Variants in DTX2 observed in about 807,000 individuals in gnomAD.
The protein encoded by DTX2 is deltex E3 ubiquitin ligase 2, also known as probable E3 ubiquitin-protein ligase DTX2.
Under a neutral mutation model 55.3 loss-of-function variants are expected in DTX2, and 29 were observed. The observed-to-expected ratio is 0.52, with a 90% confidence interval of 0.39 to 0.71. The LOEUF (loss-of-function observed/expected upper bound fraction) is 0.71, where lower values mean the gene tolerates loss of function less well. DTX2 is among the 30% of genes least tolerant of loss of function. The probability of loss-of-function intolerance (pLI) is 0.00; values close to 1 mark genes in which losing one functional copy is unlikely to be tolerated. For synonymous variants in DTX2, 276 were observed against 340.4 expected, an observed-to-expected ratio of 0.81 and a Z score of 2.08; for missense variants, 537 against 822.5, an observed-to-expected ratio of 0.65 and a Z score of 4.25.
chr7:76,477,957 C>T (rs1438212351), intron 2 of DTX2, among the ~76,000 whole-genome samples: 1 of 149,402 alleles, frequency 6.7e-6, no homozygotes, highest in Non-Finnish European at 1.5e-5. Context: ...CTCTAAGGCC[C>T]ATTTTCTTAG....
At position 76,503,542 on chromosome 7, in the gene DTX2, C is replaced by G; in HGVS notation, c.1506C>G (p.Asp502Glu). Reference sequence around the variant, plus strand: ...AGATGTCGCTCCCCGGCCACGAGGACTGCGGGACCATCCTCATAGTTTACA... The same window carrying G: ...AGATGTCGCTCCCCGGCCACGAGGAGTGCGGGACCATCCTCATAGTTTACA... The part of the protein sequence containing the change: ...RFQMSLPGHE[D>E]CGTILIVYSI... The change falls in exon 9 of 11, where the codon GAC becomes GAG. Residue 502 changes from aspartate to glutamate, a missense_variant. This residue lies in a region of DTX2 where 121 missense variants were observed against 136.8 expected (regional missense o/e 0.88). Transcript: ENST00000430490. 1 of 1,612,730 alleles carries G rather than the reference C, an allele frequency of 6.2e-7. No homozygotes were observed. The highest frequency in any genetic ancestry group is 8.5e-7 in the Non-Finnish European group (1 of 1,179,826).
chr7:76,476,899 C>T (rs1258816139), intron 2 of DTX2: 1 of 151,850 alleles, frequency 6.6e-6, no homozygotes, highest in Non-Finnish European at 1.5e-5. Context: ...GGCTGCGTGC[C>T]TTCGTGGAAA....
At chr7:76,472,573 C>T (rs906174021) in intron 2 of DTX2, among the ~76,000 whole-genome samples, 2 of 147,862 alleles carry the variant, frequency 1.4e-5, no homozygotes, top group Admixed American at 1.4e-4. Context: ...ATGATCCGCC[C>T]CCCTCAGCCT....
In DTX2 at chr7:76,471,156, CTTTTT is replaced by C. The variant is rs1156365325; in HGVS notation, c.-90+7466_-90+7470del. On this transcript the variant is annotated intron_variant, in intron 2 of 10. Coordinates refer to ENST00000430490, the MANE Select transcript of DTX2 (RefSeq NM_001102594.3). ...ATCTGATTTCTGGTTTCCATTCGTTCTTTTTTTTTTTTTTTTTTTTTTTGAGACGG... is the reference window on the plus strand; with the variant it reads ...ATCTGATTTCTGGTTTCCATTCGTTCTTTTTTTTTTTTTTTTTTGAGACGG... The C allele has an allele frequency of 4.9e-3, 1,605 of 325,786 alleles. 4 individuals are homozygous for C. Among genetic ancestry groups the C allele is most frequent in the South Asian group, 0.03 (1,213 of 40,798 alleles). 20.2% of individuals were successfully genotyped at this position (325,786 alleles called of 1,614,324 possible).
chr7:76,482,583 T>C lies in DTX2; in HGVS notation c.344T>C (p.Leu115Pro). 10 of 1,613,582 alleles carry C rather than the reference T, an allele frequency of 6.2e-6. No individual in the cohort carries two copies. Among genetic ancestry groups the C allele is most frequent in the Non-Finnish European group, 8.5e-6 (10 of 1,179,696 alleles). ...GGCCGAGGTGTCGTCTGGGAGTGGCTGAGCGACGATGGCTCCTGGACTGCC... is the reference window on the plus strand; with the variant it reads ...GGCCGAGGTGTCGTCTGGGAGTGGCCGAGCGACGATGGCTCCTGGACTGCC... ...APGRGVVWEW[L>P]SDDGSWTAYE... Residue 115 changes from leucine to proline, a missense_variant, in exon 4 of 11, where the codon CTG (leucine) becomes CCG (proline). Physicochemically the swap from Leu to Pro is moderately conservative, Grantham distance 98. Around this residue, in one of 7 missense-constraint regions of DTX2, gnomAD observed 301 missense variants for 396.6 expected, o/e 0.76. Transcript: ENST00000430490.
chr7:76,505,617 C>G lies in DTX2; in HGVS notation c.*16C>G. 6.6e-7 allele frequency: 1 copy of G among 1,503,988 alleles called. No homozygotes were observed. The highest frequency in any genetic ancestry group is 8.9e-7 in the Non-Finnish European group (1 of 1,129,876). The allele number at this position is 1,503,988 out of a possible 1,614,324, so 93.2% of individuals were successfully genotyped here. On this transcript the variant is annotated 3_prime_UTR_variant, in exon 11 of 11. Coordinates refer to ENST00000430490, the MANE Select transcript of DTX2 (RefSeq NM_001102594.3). This position sits in a 1 kb window ranked among gnomAD's most constrained non-coding sequence, Gnocchi z 4.4. ...GCAGCAGTGACCTCGCACCCCAGCA[C>G]GCCCGCCTCTGGTGGCCACCCCGCT...
At chr7:76,481,268 C>T (rs1391896337) in intron 3 of DTX2, among the ~76,000 whole-genome samples, 2 of 151,970 alleles carry the variant, frequency 1.3e-5, no homozygotes, top group African/African-American at 4.8e-5. Flanking sequence ...CTCACTGCAA[C>T]CCCTGCCTCC....
At chr7:76,463,284 CTAA>C (rs1302891010) in intron 1 of DTX2, among the ~76,000 whole-genome samples, 3 of 148,652 alleles carry the variant, frequency 2.0e-5, no homozygotes, top group East Asian at 2.1e-4. Flanking sequence ...TCTCCAAAAA[CTAA>C]TAATAATAAA....
chr7:76,472,696 A>G (rs1229265704), intron 2 of DTX2, among the ~76,000 whole-genome samples: 1 of 151,034 alleles, frequency 6.6e-6, no homozygotes, highest in Non-Finnish European at 1.5e-5. Context: ...GTTCAGATAT[A>G]TAAGGAAGTC....
chr7:76,481,587 G>T (rs1421120409), intron 3 of DTX2, among the ~76,000 whole-genome samples: 1 of 152,048 alleles, frequency 6.6e-6, no homozygotes, highest in Non-Finnish European at 1.5e-5. Context: ...GGGTGATTTT[G>T]TCCCCGGGGC....
intron 7 of DTX2, chr7:76,501,818 G>A: frequency 5.7e-6 from 1 of 175,314 alleles, no homozygotes; most frequent in Non-Finnish European, 1.2e-5. Flanking sequence ...TGTCGGGCCT[G>A]TGCTGCTGGT....
At chr7:76,483,233 G>C (rs1260681942) in intron 4 of DTX2, 86 bp downstream of exon 4, 2 of 1,477,304 alleles carry the variant, frequency 1.4e-6, no homozygotes, top group Non-Finnish European at 1.8e-6. Flanking sequence ...TGCAGATGCG[G>C]CTCCTGCCCC....
intron 4 of DTX2, among the ~76,000 whole-genome samples, chr7:76,484,642 C>T (rs553328255): frequency 5.9e-5 from 9 of 152,070 alleles, no homozygotes; most frequent in African/African-American, 2.2e-4. Flanking sequence ...CGGCATCCTG[C>T]TGCCTCCCTG....
Position 76,482,956 on chromosome 7 carries a change from G to A in DTX2, c.717G>A (p.Gly239=), listed in dbSNP as rs1467187399. 1 of 1,613,798 alleles carries A rather than the reference G, an allele frequency of 6.2e-7. No individual in the cohort carries two copies. Among genetic ancestry groups the A allele is most frequent in the Non-Finnish European group, 8.5e-7 (1 of 1,179,796 alleles). ...CACACAGGACCGCTTCTGTGTTTGG[G>A]ACCCACCAGGCCTTTGCACCGTACA... The part of the protein sequence containing the change: ...HPPHRTASVF[G]THQAFAPYNK... Residue 239 remains glycine (G), a synonymous_variant, in exon 4 of 11, where the codon GGG becomes GGA. Coordinates refer to ENST00000430490, the MANE Select transcript of DTX2 (RefSeq NM_001102594.3).
At chr7:76,471,371 CA>C in intron 2 of DTX2, among the ~76,000 whole-genome samples, 1 of 149,932 alleles carries the variant, frequency 6.7e-6, no homozygotes, top group Non-Finnish European at 1.5e-5. Flanking sequence ...CCATGTTAGC[CA>C]CGATGGTCTC....
intron 2 of DTX2, among the ~76,000 whole-genome samples, chr7:76,466,592 CT>C (rs66718202): frequency 0.21 from 30,283 of 143,680 alleles, 1,968 homozygotes; most frequent in Middle Eastern, 0.3. Flanking sequence ...TTCTCTGTCT[CT>C]TTTTTTTTTT....
chr7:76,502,574 G>T (rs1464539261), intron 8 of DTX2, 118 bp downstream of exon 8: 1 of 1,181,718 alleles, frequency 8.5e-7, no homozygotes, highest in African/African-American at 1.5e-5. Flanking sequence ...GCAAAAGATG[G>T]TGCTGGGCGT....
chr7:76,486,889 C>CG (rs1809982679), intron 4 of DTX2, among the ~76,000 whole-genome samples: 2 of 25,014 alleles, frequency 8.0e-5, no homozygotes, highest in Non-Finnish European at 1.9e-4. Flanking sequence ...TGCTGCTGCC[C>CG]TTGCCTCTAA....
At chr7:76,468,706 C>T (rs1226557566) in intron 2 of DTX2, among the ~76,000 whole-genome samples, 1 of 74,878 alleles carries the variant, frequency 1.3e-5, no homozygotes, top group African/African-American at 6.0e-5. Context: ...GATCCACCCC[C>T]GCTTGGCCTC....
Sources: gnomAD v4.1 joint callset for allele counts (sites outside exome capture counted in the v4.1 genomes callset) on GRCh38, gnomAD v4.1.1 for gene constraint, gnomAD v4.1.1 regional missense constraint, Gnocchi (gnomAD v3.1) non-coding constraint, MANE v1.5 for transcripts, NCBI Gene and HGNC (gene_info 2026-07-23, HGNC 2026-07-21) for gene names.